The following FRMPD4 variants were observed in gnomAD, a reference collection of about 807,000 sequenced individuals.
The protein encoded by FRMPD4 is FERM and PDZ domain containing 4.
Under a neutral mutation model 94.1 loss-of-function variants are expected in FRMPD4, and 22 were observed. The observed-to-expected ratio is 0.23, with a 90% CI of 0.17 to 0.33. The LOEUF is 0.33. FRMPD4 is among the 10% of genes least tolerant of loss of function. FRMPD4 has a pLI of 1.00. For synonymous variants in FRMPD4, 631 were observed against 548.6 expected, an observed-to-expected ratio of 1.15 and a Z score of -2.10; for missense variants, 1,111 against 1,339.9, an observed-to-expected ratio of 0.83 and a Z score of 2.67.
At chrX:12,635,964 A>G (rs2059439953) in intron 4 of FRMPD4, among the ~76,000 whole-genome samples, 1 of 111,979 alleles carries the variant, frequency 8.9e-6, no homozygotes, top group Non-Finnish European at 1.9e-5. Context: ...CTTAGATGAC[A>G]TTGAAGCACA....
chrX:12,024,994 A>G (rs1248477509), intron 3 of FRMPD4, among the ~76,000 whole-genome samples: 2 of 111,700 alleles, frequency 1.8e-5, no homozygotes, highest in Admixed American at 1.9e-4. Flanking sequence ...CACTGTCTGC[A>G]TCTTATTCTG....
chrX:12,250,072 TTGTG>T lies in FRMPD4; in HGVS notation c.41+111090_41+111093del, dbSNP rs72178576. On this transcript the variant is annotated intron_variant, in intron 1 of 16. Coordinates refer to ENST00000675598, the MANE Select transcript of FRMPD4 (RefSeq NM_001368397.1). ...TCTGTGTGTGTGTGTGTTTGTGTGT[TTGTG>T]TGTGTGTGTGTGTGTGTGTGTGTGT... Among the ~76,000 whole-genome samples the T allele has an allele frequency of 2.9e-3, 269 of 91,376 alleles. 2 individuals carry two copies. The highest frequency in any genetic ancestry group is 5.2e-3 in the Middle Eastern group (1 of 192). The allele number at this position is 91,376 out of a possible 115,157, so 79.3% of individuals were successfully genotyped here.
intron 3 of FRMPD4, among the ~76,000 whole-genome samples, chrX:12,049,185 T>C (rs2054802532): frequency 1.8e-5 from 2 of 111,825 alleles, no homozygotes; most frequent in Admixed American, 1.9e-4. Context: ...GTGATTCTCC[T>C]GGTAGAGATG....
intron 3 of FRMPD4, among the ~76,000 whole-genome samples, chrX:12,124,846 A>G (rs1444327586): frequency 8.9e-6 from 1 of 111,787 alleles, no homozygotes; most frequent in Non-Finnish European, 1.9e-5. Flanking sequence ...CAACTTGTAC[A>G]GTGCCTTCCA....
chrX:12,284,280 G>T (rs1601777768), intron 1 of FRMPD4, among the ~76,000 whole-genome samples: 1 of 111,564 alleles, frequency 9.0e-6, no homozygotes, highest in East Asian at 2.8e-4. Context: ...CATTCCTTCT[G>T]CAATGTACCC....
intron 3 of FRMPD4, 138 bp downstream of exon 3, chrX:12,610,019 C>T (rs952283748): frequency 7.4e-6 from 4 of 537,653 alleles, no homozygotes; most frequent in Non-Finnish European, 1.2e-5. Flanking sequence ...AGTCACTTCA[C>T]CAGAGGAACA....
intron 3 of FRMPD4, among the ~76,000 whole-genome samples, chrX:12,072,968 A>T (rs1276271274): frequency 9.1e-6 from 1 of 110,480 alleles, no homozygotes; most frequent in African/African-American, 3.3e-5. Flanking sequence ...TGTATCACTT[A>T]GGGTATTTAT....
At chrX:12,696,083 A>T (rs2060125779) in intron 9 of FRMPD4, among the ~76,000 whole-genome samples, 1 of 112,568 alleles carries the variant, frequency 8.9e-6, no homozygotes, top group Non-Finnish European at 1.9e-5. Context: ...TGTGGTTGAA[A>T]ATTATGATTT....
intron 1 of FRMPD4, among the ~76,000 whole-genome samples, chrX:12,253,020 A>T (rs757990239): frequency 8.9e-6 from 1 of 112,439 alleles, no homozygotes; most frequent in Admixed American, 9.4e-5. Flanking sequence ...GACAGAACAG[A>T]TGCAGTGGAA....
In FRMPD4 at chrX:12,716,239, C is replaced by G. The variant is rs1221707619; in HGVS notation, c.1780C>G (p.His594Asp). 1.7e-6 allele frequency: 2 copies of G among 1,208,350 alleles called. No homozygotes were observed. Among genetic ancestry groups the G allele is most frequent in the African/African-American group, 3.5e-5 (2 of 56,966 alleles). ...CACCATGTGTCCAAAAGAGCACCGG[C>G]ACTTGTACATAGACAATGCCTATAG... ...DSTMCPKEHRHLYIDNAYSSD... is the reference protein window; with the variant it reads ...DSTMCPKEHRDLYIDNAYSSD... Residue 594 changes from histidine to aspartate, a missense_variant, in exon 15 of 17, where the codon CAC (histidine) becomes GAC (aspartate). Coordinates refer to ENST00000675598, the MANE Select transcript of FRMPD4 (RefSeq NM_001368397.1).
At chrX:12,218,454 A>G (rs2056830456) in intron 1 of FRMPD4, among the ~76,000 whole-genome samples, 1 of 111,776 alleles carries the variant, frequency 8.9e-6, no homozygotes, top group Non-Finnish European at 1.9e-5. Flanking sequence ...CCTCAAAGAA[A>G]GGTAGAAATT....
chrX:12,362,246 G>T (rs1395275593), intron 1 of FRMPD4, among the ~76,000 whole-genome samples: 1 of 107,233 alleles, frequency 9.3e-6, no homozygotes, highest in African/African-American at 3.4e-5. Flanking sequence ...TAGGGTACAT[G>T]TGCACAACGT....
chrX:12,682,158 A>G (rs2059979146), intron 5 of FRMPD4, among the ~76,000 whole-genome samples: 1 of 112,646 alleles, frequency 8.9e-6, no homozygotes, highest in Non-Finnish European at 1.9e-5. Context: ...ATGGTTGAAT[A>G]ATATTTTATT....
At chrX:12,166,687 T>C (rs1473109132) in intron 1 of FRMPD4, among the ~76,000 whole-genome samples, 1 of 111,100 alleles carries the variant, frequency 9.0e-6, no homozygotes, top group Non-Finnish European at 1.9e-5. Flanking sequence ...GTCCTGGACT[T>C]TTTTTGGTTG....
intron 1 of FRMPD4, among the ~76,000 whole-genome samples, chrX:12,219,957 C>T (rs1200736667): frequency 8.9e-6 from 1 of 112,017 alleles, no homozygotes; most frequent in African/African-American, 3.2e-5. Flanking sequence ...GCCCGACCAA[C>T]ATGGAGAAAC....
At chrX:12,198,902 A>C (rs1482270490) in intron 1 of FRMPD4, among the ~76,000 whole-genome samples, 1 of 112,587 alleles carries the variant, frequency 8.9e-6, no homozygotes, top group African/African-American at 3.2e-5. Context: ...TGTTGAATGA[A>C]CACGAGGTTT....
intron 4 of FRMPD4, among the ~76,000 whole-genome samples, chrX:12,633,747 T>C (rs768657384): frequency 3.6e-5 from 4 of 112,379 alleles, no homozygotes; most frequent in Middle Eastern, 4.6e-3. Context: ...CCTACAAACA[T>C]AGGAGCTCAT....
intron 1 of FRMPD4, among the ~76,000 whole-genome samples, chrX:12,471,705 C>T (rs1040460423): frequency 3.6e-5 from 4 of 111,923 alleles, no homozygotes; most frequent in African/African-American, 1.3e-4. Flanking sequence ...CACTGTTGTA[C>T]TTTCATGGAG....
chrX:12,462,401 A>G (rs1473935048), intron 1 of FRMPD4, among the ~76,000 whole-genome samples: 3 of 111,900 alleles, frequency 2.7e-5, no homozygotes, highest in African/African-American at 9.7e-5. Context: ...AACTTTTTGT[A>G]TTTTTTTCAT....
Sources: allele counts gnomAD v4.1 joint callset (sites outside exome capture counted in the v4.1 genomes callset), GRCh38; gene constraint gnomAD v4.1.1; transcripts MANE v1.5; gene names NCBI Gene and HGNC (gene_info 2026-07-23, HGNC 2026-07-21).